CALCOCO2: variants seen among roughly 807,000 people sequenced by gnomAD.
CALCOCO2 encodes the protein calcium-binding and coiled-coil domain-containing protein 2.
In CALCOCO2, 42 loss-of-function variants were observed where a neutral mutation model predicts 62.5. That is an observed-to-expected ratio of 0.67 (90% confidence interval 0.53 to 0.87). The LOEUF is 0.87. CALCOCO2 is among the 40% of genes least tolerant of loss of function. The pLI is 0.00. For synonymous variants in CALCOCO2, 167 were observed against 173.0 expected, an observed-to-expected ratio of 0.97 and a Z score of 0.27; for missense variants, 456 against 515.0, an observed-to-expected ratio of 0.89 and a Z score of 1.11.
chr17:48,843,699 T>C (rs2040005976), intron 2 of CALCOCO2, among the ~76,000 whole-genome samples: 1 of 152,206 alleles, frequency 6.6e-6, no homozygotes, highest in African/African-American at 2.4e-5. Context: ...GTTTTCTGTC[T>C]TAGAAAGAAG....
At chr17:48,836,516 TCCA>T (rs2039892733) in intron 1 of CALCOCO2, among the ~76,000 whole-genome samples, 1 of 152,214 alleles carries the variant, frequency 6.6e-6, no homozygotes, top group African/African-American at 2.4e-5. Context: ...AGTTCATTTA[TCCA>T]ACAAATACTT....
chr17:48,838,161 T>C (rs1173704458), intron 1 of CALCOCO2, among the ~76,000 whole-genome samples: 1 of 151,606 alleles, frequency 6.6e-6, no homozygotes, highest in African/African-American at 2.4e-5. Context: ...CGTGAGAGGG[T>C]CGTGATCAAT....
chr17:48,862,058 A>G (rs1022649461), intron 11 of CALCOCO2, among the ~76,000 whole-genome samples: 2 of 152,076 alleles, frequency 1.3e-5, no homozygotes, highest in Non-Finnish European at 2.9e-5. Context: ...CAAAAAAAAA[A>G]AAAAAATACG....
chr17:48,861,078 A>C (rs1262461796), intron 11 of CALCOCO2, among the ~76,000 whole-genome samples: 1 of 152,144 alleles, frequency 6.6e-6, no homozygotes. Context: ...CCTTTAAAAT[A>C]AGTTTGTGGC....
At chr17:48,858,969 CG>C (rs2040283997) in intron 10 of CALCOCO2, among the ~76,000 whole-genome samples, 1 of 139,932 alleles carries the variant, frequency 7.1e-6, no homozygotes. Flanking sequence ...CGCTTGAACC[CG>C]GGAAGTGGAA....
At position 48,853,154 on chromosome 17, in the gene CALCOCO2, CAG is replaced by C. The variant is rs971519870; in HGVS notation, c.912+146_912+147del. Reference sequence around the variant, plus strand: ...ATGTTTTGCTTTCTAGCCAAAAGGACAGAGAATCTGCCATTTATAAAATGTTT... The same window carrying C: ...ATGTTTTGCTTTCTAGCCAAAAGGACAGAATCTGCCATTTATAAAATGTTT... On this transcript the variant is annotated intron_variant, in intron 9 of 12. Transcript: ENST00000258947. The C allele has an allele frequency of 9.9e-5, 60 of 608,912 alleles. No individual in the cohort carries two copies. The African/African-American group carries it at 1.1e-3, about 11-fold the overall frequency. 37.7% of individuals were successfully genotyped at this position (608,912 alleles called of 1,614,324 possible).
intron 7 of CALCOCO2, 129 bp from the exon 8 acceptor site, chr17:48,852,377 A>G: frequency 2.7e-6 from 2 of 743,040 alleles, no homozygotes; most frequent in Non-Finnish European, 4.4e-6. Context: ...GATTTGTCTA[A>G]TTTTACTCAG....
At chr17:48,837,061 CAGA>C (rs967797815) in intron 1 of CALCOCO2, among the ~76,000 whole-genome samples, 4 of 152,132 alleles carry the variant, frequency 2.6e-5, no homozygotes, top group Admixed American at 6.5e-5. Flanking sequence ...ACGCAGCACT[CAGA>C]AGAACACTCA....
At chr17:48,857,997 T>C (rs544074926) in intron 10 of CALCOCO2, among the ~76,000 whole-genome samples, 109 of 19,530 alleles carry the variant, frequency 5.6e-3, no homozygotes, top group Middle Eastern at 0.025. Flanking sequence ...TAGAATAGAA[T>C]AGAATAGAAT....
intron 2 of CALCOCO2, among the ~76,000 whole-genome samples, chr17:48,843,464 C>G (rs1004918132): frequency 6.6e-6 from 1 of 152,220 alleles, no homozygotes; most frequent in African/African-American, 2.4e-5. Flanking sequence ...CTCAACTGCA[C>G]TGTGAAGGAG....
At chr17:48,838,152 G>A (rs943850174) in intron 1 of CALCOCO2, among the ~76,000 whole-genome samples, 8 of 152,060 alleles carry the variant, frequency 5.3e-5, no homozygotes, top group South Asian at 2.1e-4. Flanking sequence ...GGGGGTATGC[G>A]TGAGAGGGTC....
intron 10 of CALCOCO2, among the ~76,000 whole-genome samples, chr17:48,859,564 G>A (rs999641597): frequency 6.6e-6 from 1 of 151,086 alleles, no homozygotes; most frequent in Non-Finnish European, 1.5e-5. Context: ...ATCTCACCCC[G>A]CACTCCAGCC....
At chr17:48,859,962 T>C (rs570695994) in intron 10 of CALCOCO2, among the ~76,000 whole-genome samples, 1 of 152,146 alleles carries the variant, frequency 6.6e-6, no homozygotes, top group Non-Finnish European at 1.5e-5. Flanking sequence ...GGCGTGGTAG[T>C]GGGTGCCTGT....
chr17:48,839,022 C>CT (rs949748495), intron 1 of CALCOCO2, among the ~76,000 whole-genome samples: 23 of 148,872 alleles, frequency 1.5e-4, no homozygotes, highest in Non-Finnish European at 2.8e-4. Flanking sequence ...TTTTTTGAGA[C>CT]GGAGTCTCAC....
chr17:48,853,298 C>T, intron 9 of CALCOCO2: 2 of 281,814 alleles, frequency 7.1e-6, no homozygotes, highest in South Asian at 1.1e-4. Context: ...TAACCCCTAC[C>T]CTCTTCTTAC....
rs1289310072 is a variant in CALCOCO2, at chr17:48,848,473, C to A, written c.417+18C>A. The A allele has an allele frequency of 3.7e-6, 6 of 1,609,962 alleles. No homozygotes were observed. Among genetic ancestry groups the A allele is most frequent in the African/African-American group, 1.3e-5 (1 of 74,800 alleles). On this transcript the variant is annotated intron_variant, in intron 4 of 12. Coordinates refer to ENST00000258947, the MANE Select transcript of CALCOCO2 (RefSeq NM_005831.5). ...CCACTCAGGTTTGTAAAACTTCTCA[C>A]CTCAATCCCTTACTGCCATTACGGG... is the stretch of plus-strand genomic sequence containing the variant.
At chr17:48,859,925 C>G (rs537830202) in intron 10 of CALCOCO2, among the ~76,000 whole-genome samples, 12 of 152,192 alleles carry the variant, frequency 7.9e-5, no homozygotes, top group Admixed American at 7.9e-4. Context: ...TGAAACCCGT[C>G]TCTACTAAAA....
intron 2 of CALCOCO2, among the ~76,000 whole-genome samples, chr17:48,845,630 G>A (rs1388407830): frequency 6.6e-6 from 1 of 151,326 alleles, no homozygotes; most frequent in Non-Finnish European, 1.5e-5. Context: ...TTGGGAGGCT[G>A]AGGCAAGAGA....
rs749367010 is a variant in CALCOCO2, at chr17:48,860,331, C to T, written c.1026C>T (p.Asn342=). ...EGENDLLKRE[N]SRLLSYMGLD... ...ATCCTTAGCTTTTGAAGAGGGAGAA[C>T]AGCAGATTGCTCAGTTACATGGGTC... is the stretch of plus-strand genomic sequence containing the variant. The change falls in exon 11 of 13, where the codon AAC becomes AAT. Residue 342 remains asparagine, a synonymous_variant. Transcript: ENST00000258947. 6.2e-7 allele frequency: 1 copy of T among 1,613,580 alleles called. No homozygotes were observed. The highest frequency in any genetic ancestry group is 1.1e-5 in the South Asian group (1 of 91,060).
Sources: gnomAD v4.1 joint callset for allele counts (sites outside exome capture counted in the v4.1 genomes callset) on GRCh38, gnomAD v4.1.1 for gene constraint, MANE v1.5 for transcripts, NCBI Gene and HGNC (gene_info 2026-07-23, HGNC 2026-07-21) for gene names.